Variants in TMOD1 observed in about 807,000 individuals in gnomAD.
The protein encoded by TMOD1 is tropomodulin 1, also known as tropomodulin-1.
In TMOD1, 17 loss-of-function variants were observed where a neutral mutation model predicts 40.6. The ratio of observed to expected loss-of-function variants is 0.42; its 90% CI spans 0.29 to 0.63. TMOD1 has a LOEUF of 0.63. Among genes scored for constraint, TMOD1 ranks in the 20% least tolerant of loss-of-function variants. The probability of loss-of-function intolerance (pLI) is 0.22; values close to 1 mark genes in which losing one functional copy is unlikely to be tolerated. For synonymous variants in TMOD1, 181 were observed against 175.0 expected, an observed-to-expected ratio of 1.03 and a Z score of -0.27; for missense variants, 391 against 447.6, an observed-to-expected ratio of 0.87 and a Z score of 1.14.
rs1157535615 is a variant in TMOD1 at position 97,565,524 on chromosome 9, G to A, written c.619-324G>A. On this transcript the variant is annotated intron_variant, in intron 6 of 9. Coordinates refer to ENST00000259365, the MANE Select transcript of TMOD1 (RefSeq NM_003275.4). ...TGCCGATCATTGGGACCAAGGCCAG[G>A]TTCCAGCCCCTCTCACACCCCTAGT... Among the ~76,000 whole-genome samples, 5 of 151,994 alleles carry A rather than the reference G, an allele frequency of 3.3e-5. No homozygotes were observed. In the South Asian group the frequency reaches 8.3e-4, roughly 25 times the overall value.
chr9:97,534,138 A>G (rs992975349), intron 2 of TMOD1, among the ~76,000 whole-genome samples: 8 of 152,244 alleles, frequency 5.3e-5, no homozygotes, highest in African/African-American at 1.9e-4. Context: ...CTGGAACTTA[A>G]TTATATGACT....
chr9:97,587,609 T>C (rs1316252947), intron 8 of TMOD1, among the ~76,000 whole-genome samples: 1 of 152,150 alleles, frequency 6.6e-6, no homozygotes, highest in African/African-American at 2.4e-5. Context: ...TGACACGTAC[T>C]TCACACACCA....
In TMOD1 at chr9:97,513,336, C is replaced by A. The variant is rs1052393813; in HGVS notation, c.-48-10805C>A. ...TCCTGCTCTCACTTTGCAGAAGAAA[C>A]CCCGAATCTCAGAGGCACAAAGTGG... On this transcript the variant is annotated intron_variant, in intron 1 of 9. Coordinates refer to ENST00000259365, the MANE Select transcript of TMOD1 (RefSeq NM_003275.4). This position sits in a 1 kb window ranked among gnomAD's most constrained non-coding sequence, Gnocchi z 4.1. 3 of 152,282 alleles carry A rather than the reference C, an allele frequency of 2.0e-5. No individual in the cohort carries two copies. Among genetic ancestry groups the A allele is most frequent in the African/African-American group, 7.2e-5 (3 of 41,424 alleles). 9.4% of individuals were successfully genotyped at this position (152,282 alleles called of 1,614,324 possible).
chr9:97,581,961 A>G (rs549599019), intron 8 of TMOD1, among the ~76,000 whole-genome samples: 21 of 148,804 alleles, frequency 1.4e-4, no homozygotes, highest in African/African-American at 4.7e-4. Context: ...GTTCACTCTG[A>G]TGGTAGTTTC....
At position 97,502,932 on chromosome 9, in the gene TMOD1, G is replaced by C. The variant is rs1829528651; in HGVS notation, c.-49+1129G>C. ...TGATGCGTCCTCCAACCTGCGCAGC[G>C]CCGCCCCCTCCTACACCCTTCACCC... On this transcript the variant is annotated intron_variant, in intron 1 of 9. Coordinates refer to ENST00000259365, the MANE Select transcript of TMOD1 (RefSeq NM_003275.4). The surrounding 1 kb of genome is among the most constrained non-coding windows in gnomAD (Gnocchi z 6.1). 6.6e-6 allele frequency among the ~76,000 whole-genome samples: 1 copy of C among 151,946 alleles called. No individual in the cohort carries two copies. Among genetic ancestry groups the C allele is most frequent in the South Asian group, 2.1e-4 (1 of 4,804 alleles).
chr9:97,562,654 C>A, intron 4 of TMOD1, 78 bp from the exon 5 acceptor site: 1 of 1,046,180 alleles, frequency 9.6e-7, no homozygotes, highest in Non-Finnish European at 1.3e-6. Flanking sequence ...CCAGAGTTCC[C>A]GGGGTTTGGA....
At position 97,539,839 on chromosome 9, in the gene TMOD1, G is replaced by A. The variant is rs149263969; in HGVS notation, c.121-6346G>A. 1.8e-4 allele frequency among the ~76,000 whole-genome samples: 27 copies of A among 151,786 alleles called. No homozygotes were observed. The East Asian group carries it at 2.5e-3, about 14-fold the overall frequency. ...AAATTAGCCGAGCATGGTGGCAGGCGCCTGTAGTCCCAGCTACTCAGGAGG... is the reference window on the plus strand; with the variant it reads ...AAATTAGCCGAGCATGGTGGCAGGCACCTGTAGTCCCAGCTACTCAGGAGG... On this transcript the variant is annotated intron_variant, in intron 2 of 9. Transcript: ENST00000259365.
chr9:97,592,781 A>G (rs2131293681), intron 9 of TMOD1, among the ~76,000 whole-genome samples: 1 of 152,250 alleles, frequency 6.6e-6, no homozygotes, highest in East Asian at 1.9e-4. Flanking sequence ...ACAAACATAT[A>G]CCAAAATTCT....
At chr9:97,524,643 G>A (rs1829976575) in intron 2 of TMOD1, among the ~76,000 whole-genome samples, 3 of 151,970 alleles carry the variant, frequency 2.0e-5, no homozygotes, top group Non-Finnish European at 4.4e-5. Flanking sequence ...ACCCAGGAGA[G>A]CCAATGGCAC....
chr9:97,584,177 G>A (rs1312543495), intron 8 of TMOD1, among the ~76,000 whole-genome samples: 9 of 151,920 alleles, frequency 5.9e-5, no homozygotes, highest in South Asian at 4.1e-4. Context: ...CTTTGAATGC[G>A]TCCCAGAGAT....
At chr9:97,563,650 A>G (rs1563991956) in intron 5 of TMOD1, among the ~76,000 whole-genome samples, 1 of 152,148 alleles carries the variant, frequency 6.6e-6, no homozygotes, top group Non-Finnish European at 1.5e-5. Flanking sequence ...GAGGCTGCCA[A>G]AAAAAATAAT....
At chr9:97,509,512 G>T (rs10116256) in intron 1 of TMOD1, among the ~76,000 whole-genome samples, 176 of 105,908 alleles carry the variant, frequency 1.7e-3, no homozygotes, top group South Asian at 2.1e-3. Flanking sequence ...TTTTTTTTTT[G>T]TTTTTTGTTT....
At chr9:97,580,656 G>A (rs969090654) in intron 8 of TMOD1, among the ~76,000 whole-genome samples, 5 of 151,966 alleles carry the variant, frequency 3.3e-5, no homozygotes, top group Non-Finnish European at 2.9e-5. Flanking sequence ...GAGGGAGGGA[G>A]GGAACAGAGA....
chr9:97,562,679 G>T, intron 4 of TMOD1, 53 bp from the exon 5 acceptor site: 2 of 1,364,356 alleles, frequency 1.5e-6, no homozygotes, highest in African/African-American at 1.5e-5. Context: ...GGGTCCCTAG[G>T]AGGCTCTTCT....
At chr9:97,587,567 GT>G (rs34845154) in intron 8 of TMOD1, among the ~76,000 whole-genome samples, 24,298 of 149,760 alleles carry the variant, frequency 0.16, 2,064 homozygotes, top group Non-Finnish European at 0.18. Context: ...CTAATTGTTT[GT>G]TTTTTTTTTA....
At chr9:97,585,847 C>T (rs1825859891) in intron 8 of TMOD1, among the ~76,000 whole-genome samples, 1 of 137,094 alleles carries the variant, frequency 7.3e-6, no homozygotes. Flanking sequence ...CCTTGGTTTT[C>T]AGCTCCATCA....
At chr9:97,591,008 C>T (rs1029208581) in intron 8 of TMOD1, among the ~76,000 whole-genome samples, 1 of 152,148 alleles carries the variant, frequency 6.6e-6, no homozygotes, top group South Asian at 2.1e-4. Flanking sequence ...ACTCTTCTGT[C>T]GTGGAGCTCT....
At chr9:97,530,948 C>T (rs1295918561) in intron 2 of TMOD1, among the ~76,000 whole-genome samples, 5 of 150,548 alleles carry the variant, frequency 3.3e-5, no homozygotes, top group East Asian at 2.0e-4. Context: ...TCACCATGCC[C>T]GGCTAATTTT....
intron 1 of TMOD1, among the ~76,000 whole-genome samples, chr9:97,519,761 A>G (rs1449147240): frequency 2.0e-5 from 3 of 152,180 alleles, no homozygotes; most frequent in Non-Finnish European, 4.4e-5. Context: ...ACGAAGACAC[A>G]TAGAACACGG....
Sources: gnomAD v4.1 joint callset for allele counts (sites outside exome capture counted in the v4.1 genomes callset) on GRCh38, gnomAD v4.1.1 for gene constraint, Gnocchi (gnomAD v3.1) non-coding constraint, MANE v1.5 for transcripts, NCBI Gene and HGNC (gene_info 2026-07-23, HGNC 2026-07-21) for gene names.